CAST: variants seen among roughly 807,000 people sequenced by gnomAD.
The protein encoded by CAST is MIR583 host.
A neutral mutation model predicts 119.6 loss-of-function variants in CAST; 76 were observed. That is an observed-to-expected ratio of 0.64 (90% CI 0.53 to 0.77). The LOEUF is 0.77. CAST is among the 30% of genes least tolerant of loss of function. The probability of loss-of-function intolerance (pLI) is 0.00; values close to 1 mark genes in which losing one functional copy is unlikely to be tolerated. For missense variants in CAST, 953 were observed against 946.5 expected, an observed-to-expected ratio of 1.01 and a Z score of -0.09; for synonymous variants, 319 against 331.6, an observed-to-expected ratio of 0.96 and a Z score of 0.41.
At chr5:96,181,772 G>GA in the CAST span, among the ~76,000 whole-genome samples, 30 of 152,086 alleles carry the variant, frequency 2.0e-4, no homozygotes, top group African/African-American at 7.0e-4. Context: ...ACAAATAACT[G>GA]AAAAAAATGG....
At chr5:96,511,817 T>G in the CAST span, among the ~76,000 whole-genome samples, 1 of 152,226 alleles carries the variant, frequency 6.6e-6, no homozygotes. Context: ...CACCCTAGAT[T>G]TATCTGAGTG....
At chr5:96,282,248 A>G in the CAST span, among the ~76,000 whole-genome samples, 671 of 152,294 alleles carry the variant, frequency 4.4e-3, 5 homozygotes, top group African/African-American at 0.015. Context: ...GACGTCCACC[A>G]CAGCTTCTCT....
chr5:96,598,345 A>G (rs1747089679), intron 1 of CAST, among the ~76,000 whole-genome samples: 1 of 152,180 alleles, frequency 6.6e-6, no homozygotes, highest in South Asian at 2.1e-4. Flanking sequence ...CCCAAAGGCC[A>G]GCTAGTTCCC....
the CAST span, among the ~76,000 whole-genome samples, chr5:96,456,419 T>A: frequency 0.72 from 108,936 of 152,052 alleles, 39,640 homozygotes; most frequent in African/African-American, 0.83. Context: ...ATCTCTTACA[T>A]GTATACAGTT....
chr5:96,310,103 C>T, the CAST span, among the ~76,000 whole-genome samples: 1 of 152,124 alleles, frequency 6.6e-6, no homozygotes, highest in Admixed American at 6.5e-5. Context: ...TACTGTTATT[C>T]CATAGCTAAT....
At chr5:96,564,940 A>G (rs1421305613) in intron 1 of CAST, among the ~76,000 whole-genome samples, 5 of 152,230 alleles carry the variant, frequency 3.3e-5, no homozygotes, top group East Asian at 1.9e-4. Flanking sequence ...CGAAGTATCT[A>G]TGAGCTCACC....
the CAST span, among the ~76,000 whole-genome samples, chr5:96,151,750 T>C: frequency 6.6e-6 from 1 of 152,244 alleles, no homozygotes; most frequent in East Asian, 1.9e-4. Flanking sequence ...ATTTTCATTC[T>C]TTGTGCAGGG....
chr5:96,078,668 G>A, the CAST span, among the ~76,000 whole-genome samples: 2 of 152,134 alleles, frequency 1.3e-5, no homozygotes, highest in African/African-American at 4.8e-5. Context: ...AGAACAAGTG[G>A]AAAGAAAGTA....
chr5:96,347,672 T>C, the CAST span, among the ~76,000 whole-genome samples: 3 of 152,150 alleles, frequency 2.0e-5, no homozygotes, highest in African/African-American at 7.2e-5. Flanking sequence ...TCATTTAATG[T>C]GAGTCAGCCT....
chr5:96,341,880 T>C, the CAST span, among the ~76,000 whole-genome samples: 1 of 152,178 alleles, frequency 6.6e-6, no homozygotes, highest in African/African-American at 2.4e-5. Context: ...TACAGGGAAG[T>C]TGAAAAGAAC....
chr5:96,258,486 C>A, the CAST span, among the ~76,000 whole-genome samples: 1 of 152,116 alleles, frequency 6.6e-6, no homozygotes, highest in Non-Finnish European at 1.5e-5. Flanking sequence ...TCAAATGTGT[C>A]TTGTAATCAA....
the CAST span, among the ~76,000 whole-genome samples, chr5:96,139,875 G>C: frequency 2.0e-5 from 3 of 152,004 alleles, no homozygotes; most frequent in African/African-American, 7.2e-5. Flanking sequence ...GAGGGTGGGA[G>C]GGCAAACTCT....
At chr5:96,538,408 G>A (rs904262917) in intron 1 of CAST, among the ~76,000 whole-genome samples, 2 of 152,104 alleles carry the variant, frequency 1.3e-5, no homozygotes, top group Non-Finnish European at 2.9e-5. Flanking sequence ...TGTTAGAAAA[G>A]ATAAGGTTTG....
At position 96,765,238 on chromosome 5, in the gene CAST, C is replaced by G. The variant is rs1319199671; in HGVS notation, c.1950C>G (p.Leu650=). ...PRDTSQSDKD[L]DDALDKLSDS... The stretch of plus-strand genomic sequence containing the variant: ...CTTTTCAGCAGAGTGACAAAGACCT[C>G]GATGATGCCTTGGATAAACTCTCTG... The change falls in exon 26 of 32, where the codon CTC becomes CTG. Residue 650 remains leucine, a synonymous_variant. Coordinates refer to ENST00000675179, the MANE Select transcript of CAST (RefSeq NM_001750.7). 6.2e-7 allele frequency: 1 copy of G among 1,603,024 alleles called. No individual in the cohort carries two copies. Among genetic ancestry groups the G allele is most frequent in the African/African-American group, 1.4e-5 (1 of 73,876 alleles).
At chr5:96,082,201 C>A in the CAST span, among the ~76,000 whole-genome samples, 1 of 152,168 alleles carries the variant, frequency 6.6e-6, no homozygotes, top group East Asian at 1.9e-4. Flanking sequence ...TGTGAGCCAC[C>A]ACACCCAGCT....
chr5:96,355,786 C>T, the CAST span, among the ~76,000 whole-genome samples: 1 of 152,106 alleles, frequency 6.6e-6, no homozygotes, highest in Non-Finnish European at 1.5e-5. Flanking sequence ...ATTGCAACCT[C>T]TGCTTCCTGG....
chr5:96,279,233 C>T, the CAST span, among the ~76,000 whole-genome samples: 1 of 152,136 alleles, frequency 6.6e-6, no homozygotes, highest in Non-Finnish European at 1.5e-5. Flanking sequence ...TGGATTTCTA[C>T]CATTTGATCG....
At chr5:96,118,141 G>T in the CAST span, among the ~76,000 whole-genome samples, 8 of 152,170 alleles carry the variant, frequency 5.3e-5, no homozygotes, top group Admixed American at 4.6e-4. Flanking sequence ...TGTTTGGAAG[G>T]TCCAAGTTCC....
chr5:96,503,617 A>G, the CAST span, among the ~76,000 whole-genome samples: 9,241 of 152,264 alleles, frequency 0.061, 761 homozygotes, highest in East Asian at 0.31. Context: ...ACCCACCCAC[A>G]GAGACCTCAC....
Sources: gnomAD v4.1 joint callset for allele counts (sites outside exome capture counted in the v4.1 genomes callset) on GRCh38, gnomAD v4.1.1 for gene constraint, MANE v1.5 for transcripts, NCBI Gene and HGNC (gene_info 2026-07-23, HGNC 2026-07-21) for gene names.